Variants in TUSC3 observed in about 807,000 individuals in gnomAD.
TUSC3 encodes tumor suppressor candidate 3.
A neutral mutation model predicts 44.8 loss-of-function variants in TUSC3; 45 were observed. That is an observed-to-expected ratio of 1.00 (90% CI 0.79 to 1.29). TUSC3 has a LOEUF of 1.29. TUSC3 is among the 50% of genes most tolerant of loss of function. TUSC3 has a pLI of 0.00. For missense variants in TUSC3, 519 were observed against 437.9 expected, an observed-to-expected ratio of 1.19 and a Z score of -1.65; for synonymous variants, 212 against 152.9, an observed-to-expected ratio of 1.39 and a Z score of -2.85.
chr8:15,479,814 G>C (rs973751309), intron 1 of TUSC3, among the ~76,000 whole-genome samples: 4 of 152,148 alleles, frequency 2.6e-5, no homozygotes, highest in Admixed American at 2.6e-4. Flanking sequence ...TATCATGCAA[G>C]AGAAAGAAAT....
chr8:15,527,022 A>G (rs1801381801), intron 2 of TUSC3, among the ~76,000 whole-genome samples: 1 of 152,216 alleles, frequency 6.6e-6, no homozygotes, highest in Non-Finnish European at 1.5e-5. Context: ...AGTACATGAA[A>G]AATAGAAAAG....
the TUSC3 span, among the ~76,000 whole-genome samples, chr8:15,817,329 A>T: frequency 7.3e-6 from 1 of 137,582 alleles, no homozygotes; most frequent in Non-Finnish European, 1.6e-5. Flanking sequence ...ACAACCAGAG[A>T]AGAAAGAAAT....
Position 15,587,344 on chromosome 8 carries a change from G to A in TUSC3, c.139-35736G>A, listed in dbSNP as rs1201726518. On this transcript the variant is annotated intron_variant, in intron 1 of 10. Transcript: ENST00000503731. ...AAATGTACCTTTTGCACTTAAGGCA[G>A]CATTATAACATTATGTTTTGTTACT... is the stretch of plus-strand genomic sequence containing the variant. Among the ~76,000 whole-genome samples the A allele has an allele frequency of 3.9e-5, 6 of 152,028 alleles. No individual in the cohort carries two copies. In the East Asian group the frequency reaches 1.2e-3, roughly 29 times the overall value.
chr8:15,536,357 A>T (rs1188290490), upstream of TUSC3, among the ~76,000 whole-genome samples: 6 of 152,132 alleles, frequency 3.9e-5, no homozygotes, highest in African/African-American at 7.2e-5. Context: ...TTATGTATTA[A>T]AAGGATCACT....
At chr8:15,760,214 C>G (rs909820077) in intron 10 of TUSC3, among the ~76,000 whole-genome samples, 15 of 152,158 alleles carry the variant, frequency 9.9e-5, no homozygotes, top group African/African-American at 3.6e-4. Context: ...TACAGGTAAG[C>G]AAAATGAAGA....
chr8:15,622,988 A>C (rs1270450283), intron 1 of TUSC3, 92 bp from the exon 2 acceptor site: 2 of 1,322,340 alleles, frequency 1.5e-6, no homozygotes, highest in African/African-American at 3.0e-5. Flanking sequence ...ATCATTAGGA[A>C]AAAGAAAATA....
Position 15,686,229 on chromosome 8 carries a change from A to G in TUSC3, c.798+12393A>G, listed in dbSNP as rs79843637. Among the ~76,000 whole-genome samples, 602 of 152,326 alleles carry G rather than the reference A, an allele frequency of 4.0e-3. 12 individuals carry two copies. In the East Asian group the frequency reaches 0.057, roughly 14 times the overall value. On this transcript the variant is annotated intron_variant, in intron 6 of 10. Coordinates refer to ENST00000503731, the MANE Select transcript of TUSC3 (RefSeq NM_006765.4). ...AACAATTTTTGTTGTTAAAAAAGCA[A>G]TAATCTTTAACAATATGCATTTAAT... is the stretch of plus-strand genomic sequence containing the variant.
intron 2 of TUSC3, among the ~76,000 whole-genome samples, chr8:15,519,983 C>G (rs1308105751): frequency 6.6e-6 from 1 of 152,160 alleles, no homozygotes; most frequent in Non-Finnish European, 1.5e-5. Context: ...AATCTCTTTG[C>G]TCACTGTTGG....
chr8:15,682,364 T>C (rs139944584), intron 6 of TUSC3, among the ~76,000 whole-genome samples: 11 of 152,314 alleles, frequency 7.2e-5, no homozygotes, highest in African/African-American at 1.7e-4. Flanking sequence ...GATTCATATA[T>C]ATTTAAGATA....
intron 1 of TUSC3, among the ~76,000 whole-genome samples, chr8:15,434,188 T>G (rs1210848965): frequency 6.6e-6 from 1 of 152,200 alleles, no homozygotes; most frequent in African/African-American, 2.4e-5. Flanking sequence ...GCTGTAATTT[T>G]TATTACCCTA....
the TUSC3 span, among the ~76,000 whole-genome samples, chr8:15,797,827 C>T: frequency 6.6e-6 from 1 of 152,210 alleles, no homozygotes; most frequent in African/African-American, 2.4e-5. Flanking sequence ...ATCACCTTTG[C>T]AACATCCGCA....
At chr8:15,839,820 G>A in the TUSC3 span, among the ~76,000 whole-genome samples, 144 of 152,258 alleles carry the variant, frequency 9.5e-4, 3 homozygotes, top group East Asian at 0.027. Flanking sequence ...ACAGTGTGGC[G>A]ATTCCTCAGG....
chr8:15,602,871 A>C (rs1804349798), intron 1 of TUSC3, among the ~76,000 whole-genome samples: 1 of 151,604 alleles, frequency 6.6e-6, no homozygotes, highest in African/African-American at 2.4e-5. Context: ...GGAAAAGTAA[A>C]AGTAGATTAT....
At chr8:15,492,503 T>G (rs1477740562) in intron 2 of TUSC3, among the ~76,000 whole-genome samples, 3 of 152,206 alleles carry the variant, frequency 2.0e-5, no homozygotes, top group Admixed American at 1.3e-4. Flanking sequence ...ATTCTGACTT[T>G]AAGACTGCCC....
At chr8:15,677,059 C>G (rs1228911686) in intron 6 of TUSC3, among the ~76,000 whole-genome samples, 3 of 152,074 alleles carry the variant, frequency 2.0e-5, no homozygotes, top group Non-Finnish European at 2.9e-5. Flanking sequence ...GGGTCTCACT[C>G]TGTCACCTTG....
At chr8:15,463,390 C>T (rs969746353) in intron 1 of TUSC3, among the ~76,000 whole-genome samples, 3 of 152,032 alleles carry the variant, frequency 2.0e-5, no homozygotes, top group African/African-American at 7.2e-5. Flanking sequence ...TCAACATAAA[C>T]ATGGGAAAAT....
the TUSC3 span, among the ~76,000 whole-genome samples, chr8:15,800,658 A>C: frequency 6.6e-5 from 10 of 152,106 alleles, no homozygotes; most frequent in Admixed American, 3.9e-4. Context: ...ATGACTACTT[A>C]TCCCTGGTCT....
At chr8:15,567,121 G>C (rs79759409) in intron 1 of TUSC3, among the ~76,000 whole-genome samples, 3 of 151,978 alleles carry the variant, frequency 2.0e-5, no homozygotes, top group African/African-American at 4.8e-5. Flanking sequence ...CAGTACTTTC[G>C]GCAGTTAAGA....
intron 2 of TUSC3, among the ~76,000 whole-genome samples, chr8:15,533,853 G>T (rs922051070): frequency 2.6e-4 from 39 of 152,178 alleles, no homozygotes; most frequent in African/African-American, 8.4e-4. Context: ...TCTCCAGTCA[G>T]TGGGGAGGTT....
Sources: gnomAD v4.1 joint callset for allele counts (sites outside exome capture counted in the v4.1 genomes callset) on GRCh38, gnomAD v4.1.1 for gene constraint, MANE v1.5 for transcripts, NCBI Gene and HGNC (gene_info 2026-07-23, HGNC 2026-07-21) for gene names.